ZNF2: variants seen among roughly 807,000 people sequenced by gnomAD.
ZNF2 encodes zinc finger protein 2.
A neutral mutation model predicts 21.9 loss-of-function variants in ZNF2; 12 were observed. The ratio of observed to expected loss-of-function variants is 0.55; its 90% CI spans 0.35 to 0.89. The LOEUF (loss-of-function observed/expected upper bound fraction) is 0.89, where lower values mean the gene tolerates loss of function less well. ZNF2 is among the 40% of genes least tolerant of loss of function. The probability of loss-of-function intolerance (pLI) is 0.01; values close to 1 mark genes in which losing one functional copy is unlikely to be tolerated. For synonymous variants in ZNF2, 186 were observed against 196.3 expected, an observed-to-expected ratio of 0.95 and a Z score of 0.44; for missense variants, 462 against 544.2, an observed-to-expected ratio of 0.85 and a Z score of 1.50.
In ZNF2 at chr2:95,181,400, A is replaced by G; in HGVS notation, c.572A>G (p.His191Arg). The change falls in exon 5 of 5, where the codon CAT becomes CGT. Residue 191 changes from histidine (H) to arginine (R), a missense_variant. Transcript: ENST00000614034. Reference sequence around the variant, plus strand: ...TTTGACCACTCATCCCTCACCCGCCATCAGAGGACTCACACTGGGGAGAAG... The same window carrying G: ...TTTGACCACTCATCCCTCACCCGCCGTCAGAGGACTCACACTGGGGAGAAG... ...TFFDHSSLTR[H>R]QRTHTGEKPY... 6.2e-7 allele frequency: 1 copy of G among 1,614,216 alleles called. No individual in the cohort carries two copies. Among genetic ancestry groups the G allele is most frequent in the South Asian group, 1.1e-5 (1 of 91,086 alleles).
chr2:95,181,055 A>G, intron 4 of ZNF2, 48 bp from the exon 5 acceptor site: 2 of 1,579,804 alleles, frequency 1.3e-6, no homozygotes, highest in Non-Finnish European at 1.7e-6. Context: ...TTTCTGTAAT[A>G]TTTCCTAGCC....
At chr2:95,169,631 T>G (rs185506739) in intron 1 of ZNF2, among the ~76,000 whole-genome samples, 2 of 152,064 alleles carry the variant, frequency 1.3e-5, no homozygotes, top group Non-Finnish European at 2.9e-5. Context: ...GCACCTATAA[T>G]CCCAGCTACT....
At position 95,181,800 on chromosome 2, in the gene ZNF2, T is replaced by C; in HGVS notation, c.972T>C (p.Gly324=). The stretch of plus-strand genomic sequence containing the variant: ...ACGAGTGCGGGAAAGCTTTCTATGG[T>C]GTCTCGTCTCTGAATAGACATCAGA... ...ECNECGKAFY[G]VSSLNRHQKA... The change falls in exon 5 of 5, where the codon GGT becomes GGC. Residue 324 remains glycine, a synonymous_variant. Transcript: ENST00000614034. 2 of 1,614,172 alleles carry C rather than the reference T, an allele frequency of 1.2e-6. No homozygotes were observed. Among genetic ancestry groups the C allele is most frequent in the Non-Finnish European group, 1.7e-6 (2 of 1,180,028 alleles).
Position 95,183,756 on chromosome 2 carries a change from G to C in ZNF2, c.*1650G>C, listed in dbSNP as rs1284073107. ...CTGCCTCAGCCTCCCGAATAGCTGG[G>C]ACTACAGGTGCCCGCCAACACGCCC... is the stretch of plus-strand genomic sequence containing the variant. On this transcript the variant is annotated 3_prime_UTR_variant, in exon 5 of 5. Transcript: ENST00000614034. The C allele has an allele frequency of 5.9e-5, 9 of 151,966 alleles. No individual in the cohort carries two copies. Among genetic ancestry groups the C allele is most frequent in the Admixed American group, 5.9e-4 (9 of 15,226 alleles). 9.4% of individuals were successfully genotyped at this position (151,966 alleles called of 1,614,324 possible).
chr2:95,172,362 A>T (rs1298200188), intron 1 of ZNF2, among the ~76,000 whole-genome samples: 1 of 152,132 alleles, frequency 6.6e-6, no homozygotes, highest in Non-Finnish European at 1.5e-5. Context: ...TGCAAGCAGA[A>T]CTTTCTAGGA....
At chr2:95,171,031 C>T (rs1674249687) in intron 1 of ZNF2, among the ~76,000 whole-genome samples, 1 of 152,120 alleles carries the variant, frequency 6.6e-6, no homozygotes, top group Non-Finnish European at 1.5e-5. Flanking sequence ...CATTGCCTTC[C>T]TTGTATTACA....
Position 95,173,200 on chromosome 2 carries a change from T to A in ZNF2, c.-39-2988T>A, listed in dbSNP as rs538556223. 3.6e-4 allele frequency among the ~76,000 whole-genome samples: 54 copies of A among 152,102 alleles called. 1 individual carries two copies. The South Asian group carries it at 0.011, about 30-fold the overall frequency. Reference sequence around the variant, plus strand: ...TGCCCAGTAATTATGTTTTTGTAATTTATCTCTGTTAACATGAGATAATGT... The same window carrying A: ...TGCCCAGTAATTATGTTTTTGTAATATATCTCTGTTAACATGAGATAATGT... On this transcript the variant is annotated intron_variant, in intron 1 of 4. Coordinates refer to ENST00000614034, the MANE Select transcript of ZNF2 (RefSeq NM_021088.4).
At chr2:95,168,507 T>C (rs1306873161) in intron 1 of ZNF2, among the ~76,000 whole-genome samples, 2 of 151,882 alleles carry the variant, frequency 1.3e-5, no homozygotes, top group South Asian at 4.1e-4. Context: ...ACCCAGGGTA[T>C]AGGACACAAA....
intron 1 of ZNF2, among the ~76,000 whole-genome samples, chr2:95,174,910 C>T (rs1674390444): frequency 6.6e-6 from 1 of 152,216 alleles, no homozygotes; most frequent in Admixed American, 6.5e-5. Flanking sequence ...GACCATATCC[C>T]CTTGACTGTT....
chr2:95,177,380 C>G (rs1674481634), intron 2 of ZNF2, 103 bp from the exon 3 acceptor site: 17 of 1,379,746 alleles, frequency 1.2e-5, no homozygotes, highest in Non-Finnish European at 1.7e-5. Flanking sequence ...GTTTTTCTTT[C>G]CTCCCACCAT....
chr2:95,168,971 C>T (rs1328628823), intron 1 of ZNF2, among the ~76,000 whole-genome samples: 2 of 152,096 alleles, frequency 1.3e-5, no homozygotes, highest in Admixed American at 6.5e-5. Flanking sequence ...GTCAAGGGCT[C>T]GTTTGAAGAT....
rs761815081 is a variant in ZNF2 at position 95,181,768 on chromosome 2, G to C, written c.940G>C (p.Glu314Gln). The C allele has an allele frequency of 1.2e-6, 2 of 1,614,094 alleles. No homozygotes were observed. The highest frequency in any genetic ancestry group is 1.3e-5 in the African/African-American group (1 of 74,922). ...QLIHTGRKPYECNECGKAFYG... is the reference protein window; with the variant it reads ...QLIHTGRKPYQCNECGKAFYG... ...AATCCACACTGGCAGGAAGCCTTAT[G>C]AGTGTAACGAGTGCGGGAAAGCTTT... Residue 314 changes from glutamate to glutamine, a missense_variant, in exon 5 of 5, where the codon GAG becomes CAG. Glu to Gln is a conservative substitution (Grantham distance 29, BLOSUM62 2). Transcript: ENST00000614034.
intron 2 of ZNF2, among the ~76,000 whole-genome samples, chr2:95,176,970 A>C (rs1156712673): frequency 1.3e-5 from 2 of 152,194 alleles, no homozygotes; most frequent in Non-Finnish European, 1.5e-5. Flanking sequence ...AGATTAGATA[A>C]TAGTATAAGA....
intron 1 of ZNF2, among the ~76,000 whole-genome samples, chr2:95,168,344 G>C (rs956775535): frequency 6.6e-6 from 1 of 151,460 alleles, no homozygotes; most frequent in African/African-American, 2.4e-5. Flanking sequence ...AGAATCGCTT[G>C]AACCTGGGAG....
At position 95,181,743 on chromosome 2, in the gene ZNF2, A is replaced by C; in HGVS notation, c.915A>C (p.Leu305=). 1 of 1,614,204 alleles carries C rather than the reference A, an allele frequency of 6.2e-7. No individual in the cohort carries two copies. Among genetic ancestry groups the C allele is most frequent in the Non-Finnish European group, 8.5e-7 (1 of 1,180,034 alleles). The change falls in exon 5 of 5, where the codon CTA becomes CTC. Residue 305 remains leucine (L), a synonymous_variant. Coordinates refer to ENST00000614034, the MANE Select transcript of ZNF2 (RefSeq NM_021088.4). ...SQKSILTRHQ[L]IHTGRKPYEC... ...AAAGTATTCTTACTCGCCATCAGCT[A>C]ATCCACACTGGCAGGAAGCCTTATG...
At chr2:95,169,749 CA>C (rs371929939) in intron 1 of ZNF2, among the ~76,000 whole-genome samples, 6 of 151,040 alleles carry the variant, frequency 4.0e-5, no homozygotes, top group Non-Finnish European at 1.5e-5. Context: ...GACCCTGTCT[CA>C]AAAAAAACAA....
chr2:95,176,356 C>A, intron 2 of ZNF2, 97 bp downstream of exon 2: 2 of 1,469,072 alleles, frequency 1.4e-6, no homozygotes, highest in Middle Eastern at 1.7e-4. Context: ...GCAGACCCAG[C>A]CAGGCAGATG....
At chr2:95,173,916 G>C (rs1189597585) in intron 1 of ZNF2, among the ~76,000 whole-genome samples, 1 of 152,150 alleles carries the variant, frequency 6.6e-6, no homozygotes, top group Non-Finnish European at 1.5e-5. Flanking sequence ...TCACCATTTT[G>C]GCCAGGATGG....
Position 95,181,819 on chromosome 2 carries a change from C to T in ZNF2, c.991C>T (p.His331Tyr). Residue 331 changes from histidine to tyrosine, a missense_variant, in exon 5 of 5, where the codon CAT becomes TAT. His to Tyr is a moderately conservative substitution (Grantham distance 83, BLOSUM62 2). Transcript: ENST00000614034. ...CTATGGTGTCTCGTCTCTGAATAGA[C>T]ATCAGAAAGCTCATGCTGGGGACCC... ...AFYGVSSLNR[H>Y]QKAHAGDPRY... 2 of 1,614,230 alleles carry T rather than the reference C, an allele frequency of 1.2e-6. No homozygotes were observed. Among genetic ancestry groups the T allele is most frequent in the Non-Finnish European group, 1.7e-6 (2 of 1,180,042 alleles).
Sources: gnomAD v4.1 joint callset for allele counts (sites outside exome capture counted in the v4.1 genomes callset) on GRCh38, gnomAD v4.1.1 for gene constraint, MANE v1.5 for transcripts, NCBI Gene and HGNC (gene_info 2026-07-23, HGNC 2026-07-21) for gene names.